Variants in PANK4 observed in about 807,000 individuals in gnomAD.
PANK4 encodes the protein 4'-phosphopantetheine phosphatase.
A neutral mutation model predicts 87.9 loss-of-function variants in PANK4; 40 were observed. That is an observed-to-expected ratio of 0.46 (90% confidence interval 0.35 to 0.59). The LOEUF (loss-of-function observed/expected upper bound fraction) is 0.59. Ranked by LOEUF, PANK4 falls within the 20% of genes least tolerant of loss-of-function variation. PANK4 has a pLI of 0.00. For synonymous variants in PANK4, 524 were observed against 467.4 expected, an observed-to-expected ratio of 1.12 and a Z score of -1.56; for missense variants, 926 against 1,072.3, an observed-to-expected ratio of 0.86 and a Z score of 1.90.
rs2100769568 is a variant in PANK4, at chr1:2,510,505, A to G, written c.1938+173T>C. 1 of 627,054 alleles carries G rather than the reference A, an allele frequency of 1.6e-6. No individual in the cohort carries two copies. The highest frequency in any genetic ancestry group is 2.8e-6 in the Non-Finnish European group (1 of 352,854). 38.8% of individuals were successfully genotyped at this position (627,054 alleles called of 1,614,324 possible). ...CTCAGCCTGAGCCCAGGGGGCTCGGAGCCTCCACCCCAGCAGATGACGGCT... is the reference window on the plus strand; with the variant it reads ...CTCAGCCTGAGCCCAGGGGGCTCGGGGCCTCCACCCCAGCAGATGACGGCT... On this transcript the variant is annotated intron_variant, in intron 16 of 18. Coordinates refer to ENST00000378466, the MANE Select transcript of PANK4 (RefSeq NM_018216.4). This position sits in a 1 kb window ranked among gnomAD's most constrained non-coding sequence, Gnocchi z 4.9.
intron 2 of PANK4, 182 bp downstream of exon 2, chr1:2,521,536 G>T: frequency 1.4e-6 from 1 of 713,878 alleles, no homozygotes; most frequent in East Asian, 2.5e-5. Context: ...GGCGGGCGCA[G>T]GTTCCTACAA....
At chr1:2,521,069 G>T in intron 3 of PANK4, 32 bp downstream of exon 3, 1 of 1,584,630 alleles carries the variant, frequency 6.3e-7, no homozygotes, top group South Asian at 1.1e-5. Context: ...GCAGACACAT[G>T]TTCCTTTCTC....
At position 2,521,086 on chromosome 1, in the gene PANK4, G is replaced by C. The variant is rs746528635; in HGVS notation, c.422+15C>G. On this transcript the variant is annotated intron_variant, in intron 3 of 18. Transcript: ENST00000378466. Reference sequence around the variant, plus strand: ...AGACACATGTTCCTTTCTCGCCCTTGAGATCCCCACTCACTTCAGCCGCAG... The same window carrying C: ...AGACACATGTTCCTTTCTCGCCCTTCAGATCCCCACTCACTTCAGCCGCAG... 6.2e-7 allele frequency: 1 copy of C among 1,604,264 alleles called. No homozygotes were observed.
chr1:2,521,354 C>T (rs757699936), intron 2 of PANK4, 39 bp from the exon 3 acceptor site: 2 of 1,513,844 alleles, frequency 1.3e-6, no homozygotes, highest in Middle Eastern at 1.7e-4. Flanking sequence ...GTGTGTGGGA[C>T]ACCGCGCCGG....
intron 9 of PANK4, chr1:2,516,060 A>C: frequency 5.3e-5 from 18 of 340,274 alleles, no homozygotes; most frequent in East Asian, 1.3e-4. Context: ...TCCCTCCCCC[A>C]TCACCACCTC....
At position 2,510,005 on chromosome 1, in the gene PANK4, G is replaced by C; in HGVS notation, c.2039+52C>G. The C allele has an allele frequency of 6.3e-7, 1 of 1,576,318 alleles. No individual in the cohort carries two copies. Among genetic ancestry groups the C allele is most frequent in the Non-Finnish European group, 8.7e-7 (1 of 1,154,100 alleles). On this transcript the variant is annotated intron_variant, in intron 17 of 18. Transcript: ENST00000378466. The surrounding 1 kb of genome is among the most constrained non-coding windows in gnomAD (Gnocchi z 4.9). ...CAATCCCCATGGCCCACTCTGCCCA[G>C]CTGGTGCCCCTCCCCATCAAGGCCC...
chr1:2,516,406 C>T (rs1050708735), intron 9 of PANK4, among the ~76,000 whole-genome samples: 3 of 152,218 alleles, frequency 2.0e-5, no homozygotes, highest in African/African-American at 4.8e-5. Flanking sequence ...GCTTTTTCTA[C>T]CTTATGCCGG....
At position 2,512,871 on chromosome 1, in the gene PANK4, A is replaced by T; in HGVS notation, c.1727+17T>A. ...CCCACAGGCTGCAGAGCCTGCTCCG[A>T]GCCCGCAGACACCTACGCAGACACG... On this transcript the variant is annotated intron_variant, in intron 13 of 18. Coordinates refer to ENST00000378466, the MANE Select transcript of PANK4 (RefSeq NM_018216.4). 1.9e-6 allele frequency: 3 copies of T among 1,612,116 alleles called. No homozygotes were observed. The East Asian group carries it at 6.7e-5, about 36-fold the overall frequency.
At chr1:2,526,346 G>C in intron 1 of PANK4, 118 bp downstream of exon 1, 1 of 502,344 alleles carries the variant, frequency 2.0e-6, no homozygotes, top group African/African-American at 2.1e-5. Flanking sequence ...GGCCCGTGAG[G>C]CTGTGCGCGA....
chr1:2,513,961 G>T, intron 12 of PANK4, 41 bp downstream of exon 12: 1 of 1,418,836 alleles, frequency 7.0e-7, no homozygotes, highest in Non-Finnish European at 1.0e-6. Flanking sequence ...CAGCGGGACG[G>T]GGACAAGAGC....
intron 1 of PANK4, chr1:2,526,153 A>G (rs2100803691): frequency 6.6e-6 from 1 of 152,364 alleles, no homozygotes; most frequent in East Asian, 1.9e-4. Context: ...GCGGCGGGTA[A>G]CGCTGGACCC....
At position 2,519,109 on chromosome 1, in the gene PANK4, C is replaced by A; in HGVS notation, c.1035+34G>T. On this transcript the variant is annotated intron_variant, in intron 7 of 18. Coordinates refer to ENST00000378466, the MANE Select transcript of PANK4 (RefSeq NM_018216.4). This position sits in a 1 kb window ranked among gnomAD's most constrained non-coding sequence, Gnocchi z 8.3. ...GATTGGGAAGATCCTGGGGGGTCTGCGTTAGAGGCTGGGGAGGGCGGCGCA... is the reference window on the plus strand; with the variant it reads ...GATTGGGAAGATCCTGGGGGGTCTGAGTTAGAGGCTGGGGAGGGCGGCGCA... 1 of 1,587,956 alleles carries A rather than the reference C, an allele frequency of 6.3e-7. No individual in the cohort carries two copies. Among genetic ancestry groups the A allele is most frequent in the African/African-American group, 1.3e-5 (1 of 74,612 alleles).
chr1:2,515,976 G>A lies in PANK4; in HGVS notation c.1219-259C>T, dbSNP rs934773976. The A allele has an allele frequency of 3.1e-5, 17 of 547,812 alleles. No homozygotes were observed. In the East Asian group the frequency reaches 4.3e-4, roughly 14 times the overall value. The allele number at this position is 547,812 out of a possible 1,614,324, so 33.9% of individuals were successfully genotyped here. ...CGCCTCCTGCCCCCAGCACCTCCCC[G>A]CTGCAGCCACACCTCCCCAATCACC... On this transcript the variant is annotated intron_variant, in intron 9 of 18. Transcript: ENST00000378466. This position sits in a 1 kb window ranked among gnomAD's most constrained non-coding sequence, Gnocchi z 5.0.
chr1:2,522,825 T>C (rs1643887957), intron 1 of PANK4, among the ~76,000 whole-genome samples: 1 of 144,900 alleles, frequency 6.9e-6, no homozygotes, highest in Non-Finnish European at 1.5e-5. Flanking sequence ...TGGATGGTGC[T>C]ATAGTGACTT....
chr1:2,516,490 G>A (rs1643779989), intron 9 of PANK4, among the ~76,000 whole-genome samples: 1 of 152,218 alleles, frequency 6.6e-6, no homozygotes, highest in Admixed American at 6.5e-5. Context: ...AGCAGCCGCT[G>A]CTCTGGGACC....
In PANK4 at chr1:2,514,434, G is replaced by C. The variant is rs769366868; in HGVS notation, c.1407C>G (p.Asp469Glu). 6 of 1,611,858 alleles carry C rather than the reference G, an allele frequency of 3.7e-6. No homozygotes were observed. The highest frequency in any genetic ancestry group is 2.2e-5 in the East Asian group (1 of 44,868). Residue 469 changes from aspartate to glutamate, a missense_variant, in exon 11 of 19, where the codon GAC becomes GAG. Transcript: ENST00000378466. ...CCGCCCTCTCGGCTGCATCCACAGA[G>C]TCTGGCTGGCTCGCCACTGCGCGCT... ...VVKRAVASQP[D>E]SVDAAERAEK... is the part of the protein sequence containing the mutation.
intron 13 of PANK4, among the ~76,000 whole-genome samples, chr1:2,512,034 G>A (rs1455807636): frequency 2.0e-5 from 3 of 152,204 alleles, no homozygotes; most frequent in Non-Finnish European, 1.5e-5. Context: ...AGGTCTGAGA[G>A]AGCACAGGCT....
In PANK4 at chr1:2,508,826, G is replaced by A; in HGVS notation, c.*21C>T. 1 of 1,403,912 alleles carries A rather than the reference G, an allele frequency of 7.1e-7. No individual in the cohort carries two copies. Among genetic ancestry groups the A allele is most frequent in the Non-Finnish European group, 1.0e-6 (1 of 1,001,586 alleles). The allele number at this position is 1,403,912 out of a possible 1,614,324, so 87.0% of individuals were successfully genotyped here. ...CATTCCTGACAAGTGACAAGCAGAAGAGTCCGGCAGCTGCAGCGCCTCACT... is the reference window on the plus strand; with the variant it reads ...CATTCCTGACAAGTGACAAGCAGAAAAGTCCGGCAGCTGCAGCGCCTCACT... On this transcript the variant is annotated 3_prime_UTR_variant, in exon 19 of 19. Transcript: ENST00000378466. This position sits in a 1 kb window ranked among gnomAD's most constrained non-coding sequence, Gnocchi z 5.1.
intron 12 of PANK4, among the ~76,000 whole-genome samples, chr1:2,513,391 G>A (rs1388865863): frequency 6.6e-6 from 1 of 152,228 alleles, no homozygotes; most frequent in African/African-American, 2.4e-5. Flanking sequence ...AGGGGAGGGA[G>A]GCATGGCGCT....
Sources: allele counts gnomAD v4.1 joint callset (sites outside exome capture counted in the v4.1 genomes callset), GRCh38; gene constraint gnomAD v4.1.1; non-coding constraint Gnocchi (gnomAD v3.1); transcripts MANE v1.5; gene names NCBI Gene and HGNC (gene_info 2026-07-23, HGNC 2026-07-21).